ELFN1: variants seen among roughly 807,000 people sequenced by gnomAD.
ELFN1 encodes protein ELFN1.
Under a neutral mutation model 7.6 loss-of-function variants are expected in ELFN1, and 6 were observed. The observed-to-expected ratio is 0.79, with a 90% CI of 0.43 to 1.56. The LOEUF is 1.56. Ranked by LOEUF, ELFN1 falls within the 40% of genes most tolerant of loss-of-function variation. ELFN1 has a pLI of 0.01. For missense variants in ELFN1, 1,169 were observed against 1,232.2 expected (o/e 0.95, Z 0.77); for synonymous variants, 657 against 588.1 (o/e 1.12, Z -1.70).
chr7:1,666,089 C>G (rs1354525536), upstream of ELFN1, among the ~76,000 whole-genome samples: 3 of 151,838 alleles, frequency 2.0e-5, no homozygotes, highest in African/African-American at 7.2e-5. The surrounding 1 kb of genome is among the most constrained non-coding windows in gnomAD (Gnocchi z 7.9). Context: ...CCGCCGCCGC[C>G]GCCGCGCTCG....
rs5881906 is a variant in ELFN1, at chr7:1,747,883, TAA to T, written c.*816_*817del. 3,276 of 143,586 alleles carry T rather than the reference TAA, an allele frequency of 0.023. 41 individuals carry two copies. The highest frequency in any genetic ancestry group is 0.043 in the African/African-American group (1,536 of 35,384). 8.9% of individuals were successfully genotyped at this position (143,586 alleles called of 1,614,324 possible). ...AGAAAGAAAAAAAGACTATGTCTAC[TAA>T]AAAAAAAAAAAAAAAGACTATGTCT... On this transcript the variant is annotated 3_prime_UTR_variant, in exon 4 of 4. Coordinates refer to ENST00000424383, the MANE Select transcript of ELFN1 (RefSeq NM_001128636.4).
chr7:1,701,041 A>G (rs1247889012), intron 2 of ELFN1, among the ~76,000 whole-genome samples: 1 of 151,928 alleles, frequency 6.6e-6, no homozygotes, highest in Non-Finnish European at 1.5e-5. Context: ...TTGTGTTTTA[A>G]TACTTTGCAT....
At chr7:1,704,402 CAA>C (rs1779487999) in intron 2 of ELFN1, among the ~76,000 whole-genome samples, 1 of 152,202 alleles carries the variant, frequency 6.6e-6, no homozygotes, top group African/African-American at 2.4e-5. Flanking sequence ...TACACACACA[CAA>C]GCACACAGAC....
Position 1,722,085 on chromosome 7 carries a change from G to A in ELFN1, c.-294+12833G>A, listed in dbSNP as rs1057097093. ...CGGGTGGCCCAGGCCTGGTCCTTGG[G>A]ACTAGAGAAACAGTGCTTAGACCAG... On this transcript the variant is annotated intron_variant, in intron 3 of 3. Transcript: ENST00000424383. Among the ~76,000 whole-genome samples, 7 of 152,260 alleles carry A rather than the reference G, an allele frequency of 4.6e-5. No individual in the cohort carries two copies. The South Asian group carries it at 1.0e-3, about 23-fold the overall frequency.
chr7:1,669,126 G>A (rs1778713998), upstream of ELFN1, among the ~76,000 whole-genome samples: 1 of 152,256 alleles, frequency 6.6e-6, no homozygotes, highest in Admixed American at 6.5e-5. Context: ...CCCTGCAGCC[G>A]GGCTAGGCCG....
At chr7:1,743,095 G>A (rs1780674824) in intron 3 of ELFN1, among the ~76,000 whole-genome samples, 1 of 150,298 alleles carries the variant, frequency 6.7e-6, no homozygotes, top group African/African-American at 2.5e-5. Context: ...TGGTGGGGGG[G>A]TCCATGGGGG....
chr7:1,747,368 G>T lies in ELFN1; in HGVS notation c.*285G>T. 3.4e-6 allele frequency: 1 copy of T among 291,412 alleles called. No individual in the cohort carries two copies. 18.1% of individuals were successfully genotyped at this position (291,412 alleles called of 1,614,324 possible). On this transcript the variant is annotated 3_prime_UTR_variant, in exon 4 of 4. Transcript: ENST00000424383. ...TTCGGAAAACTGTGTCTTAGGGATG[G>T]GGGGTGGGGGTGGGGATTTTTTTTT... is the stretch of plus-strand genomic sequence containing the variant.
At position 1,747,089 on chromosome 7, in the gene ELFN1, C is replaced by G. The variant is rs1217494201; in HGVS notation, c.*6C>G. 6.8e-7 allele frequency: 1 copy of G among 1,469,842 alleles called. No homozygotes were observed. The highest frequency in any genetic ancestry group is 2.4e-5 in the Admixed American group (1 of 41,688). 91.0% of individuals were successfully genotyped at this position (1,469,842 alleles called of 1,614,324 possible). A position where few individuals can be genotyped will look rare whatever the true frequency, so the allele number is the denominator to read the frequency against. ...CGGCCCAGCACAAGTCCTGAGCCCCCCAAGACCGGCGATGCCCACTGGACC... is the reference window on the plus strand; with the variant it reads ...CGGCCCAGCACAAGTCCTGAGCCCCGCAAGACCGGCGATGCCCACTGGACC... On this transcript the variant is annotated 3_prime_UTR_variant, in exon 4 of 4. Transcript: ENST00000424383.
intron 3 of ELFN1, among the ~76,000 whole-genome samples, chr7:1,743,098 C>T (rs1452950092): frequency 6.6e-6 from 1 of 151,998 alleles, no homozygotes; most frequent in Non-Finnish European, 1.5e-5. Flanking sequence ...TGGGGGGGTC[C>T]ATGGGGGAGC....
chr7:1,684,743 C>G (rs1204387264), intron 1 of ELFN1, among the ~76,000 whole-genome samples: 1 of 152,114 alleles, frequency 6.6e-6, no homozygotes, highest in East Asian at 1.9e-4. Flanking sequence ...CAACATAGCT[C>G]AATTTTCTTC....
At chr7:1,668,360 C>A (rs1302836212), upstream of ELFN1, among the ~76,000 whole-genome samples, 1 of 152,260 alleles carries the variant, frequency 6.6e-6, no homozygotes, top group African/African-American at 2.4e-5. Context: ...ACGGGGGACA[C>A]CTGCGAAGGC....
In ELFN1 at chr7:1,701,689, C is replaced by T. The variant is rs114530392; in HGVS notation, c.-455-7402C>T. Among the ~76,000 whole-genome samples the T allele has an allele frequency of 9.5e-3, 1,444 of 152,172 alleles. 11 individuals carry two copies. The highest frequency in any genetic ancestry group is 0.02 in the African/African-American group (827 of 41,530). Reference sequence around the variant, plus strand: ...CAGATGTGCATGCTTGTAGTTCTAGCTACTTGGGAGGCTGGGGTGGGAGGA... The same window carrying T: ...CAGATGTGCATGCTTGTAGTTCTAGTTACTTGGGAGGCTGGGGTGGGAGGA... On this transcript the variant is annotated intron_variant, in intron 2 of 3. Coordinates refer to ENST00000424383, the MANE Select transcript of ELFN1 (RefSeq NM_001128636.4).
At position 1,738,179 on chromosome 7, in the gene ELFN1, C is replaced by T. The variant is rs548885557; in HGVS notation, c.-293-6125C>T. On this transcript the variant is annotated intron_variant, in intron 3 of 3. Transcript: ENST00000424383. ...CTTCCCACCCAGACCACGGAGGGCG[C>T]GTGGTCCCATGTCCCATGGCGTGGC... is the stretch of plus-strand genomic sequence containing the variant. Among the ~76,000 whole-genome samples the T allele has an allele frequency of 8.5e-5, 13 of 152,350 alleles. No individual in the cohort carries two copies. In the South Asian group the frequency reaches 1.4e-3, roughly 17 times the overall value.
At position 1,724,003 on chromosome 7, in the gene ELFN1, G is replaced by C. The variant is rs139734917; in HGVS notation, c.-294+14751G>C. Among the ~76,000 whole-genome samples, 130 of 152,340 alleles carry C rather than the reference G, an allele frequency of 8.5e-4. 1 individual carries two copies. The highest frequency in any genetic ancestry group is 1.4e-3 in the Admixed American group (22 of 15,300). On this transcript the variant is annotated intron_variant, in intron 3 of 3. Coordinates refer to ENST00000424383, the MANE Select transcript of ELFN1 (RefSeq NM_001128636.4). ...CTGTGAGCCACGTGGGATGTGGTTA[G>C]TCACAGGGGCTATGGGGCCAGGCTG...
At chr7:1,671,893 C>G (rs903256287) in intron 1 of ELFN1, among the ~76,000 whole-genome samples, 5 of 152,174 alleles carry the variant, frequency 3.3e-5, no homozygotes, top group Non-Finnish European at 4.4e-5. Flanking sequence ...GGTTTGGAGC[C>G]CAGCCAGGAC....
At chr7:1,693,981 T>C (rs1779241782) in intron 2 of ELFN1, 2 of 378,094 alleles carry the variant, frequency 5.3e-6, no homozygotes, top group Non-Finnish European at 1.1e-5. Flanking sequence ...ATTGGAGCAA[T>C]ACAGCCCTGT....
At chr7:1,700,762 C>T (rs1419543895) in intron 2 of ELFN1, among the ~76,000 whole-genome samples, 3 of 152,252 alleles carry the variant, frequency 2.0e-5, no homozygotes, top group African/African-American at 7.2e-5. Flanking sequence ...CCTCCTTCCC[C>T]AGCGCCAGAT....
chr7:1,700,613 C>T (rs1256461771), intron 2 of ELFN1, among the ~76,000 whole-genome samples: 1 of 152,218 alleles, frequency 6.6e-6, no homozygotes, highest in Admixed American at 6.5e-5. Flanking sequence ...GGTGAGCTCC[C>T]TTGCATATCT....
chr7:1,686,962 C>T (rs1583317565), intron 1 of ELFN1, among the ~76,000 whole-genome samples: 2 of 151,690 alleles, frequency 1.3e-5, no homozygotes, highest in African/African-American at 4.8e-5. Context: ...TCCCCATTCA[C>T]TTGCCACCGA....
Sources: gnomAD v4.1 joint callset for allele counts (sites outside exome capture counted in the v4.1 genomes callset) on GRCh38, gnomAD v4.1.1 for gene constraint, Gnocchi (gnomAD v3.1) non-coding constraint, MANE v1.5 for transcripts, NCBI Gene and HGNC (gene_info 2026-07-23, HGNC 2026-07-21) for gene names.